Variants in HIGD1C observed in about 807,000 individuals in gnomAD.
HIGD1C encodes HIG1 hypoxia inducible domain family member 1C.
Under a neutral mutation model 13.1 loss-of-function variants are expected in HIGD1C, and 11 were observed. The ratio of observed to expected loss-of-function variants is 0.84; its 90% CI spans 0.53 to 1.39. The LOEUF (loss-of-function observed/expected upper bound fraction) is 1.39, where lower values mean the gene tolerates loss of function less well. HIGD1C is among the 40% of genes most tolerant of loss of function. HIGD1C has a pLI of 0.00. For missense variants in HIGD1C, 110 were observed against 112.0 expected, an observed-to-expected ratio of 0.98 and a Z score of 0.08; for synonymous variants, 36 against 37.7, an observed-to-expected ratio of 0.95 and a Z score of 0.17.
the HIGD1C span, among the ~76,000 whole-genome samples, chr12:50,937,681 A>G: frequency 1.3e-5 from 2 of 152,134 alleles, no homozygotes; most frequent in Non-Finnish European, 2.9e-5. Context: ...TGGAGGGTGA[A>G]GAAGGCAGAA....
intron 2 of HIGD1C, among the ~76,000 whole-genome samples, chr12:50,966,632 T>G (rs770012612): frequency 3.9e-5 from 6 of 152,182 alleles, no homozygotes; most frequent in Non-Finnish European, 7.3e-5. Flanking sequence ...GCATTTCAAT[T>G]TCATTTAGTG....
At chr12:50,941,112 C>G in the HIGD1C span, among the ~76,000 whole-genome samples, 1 of 152,254 alleles carries the variant, frequency 6.6e-6, no homozygotes, top group South Asian at 2.1e-4. Flanking sequence ...GCAATCCTCC[C>G]TCTTGGGCTT....
intron 1 of HIGD1C, among the ~76,000 whole-genome samples, chr12:50,957,682 C>T (rs7960373): frequency 2.0e-5 from 3 of 151,568 alleles, no homozygotes; most frequent in East Asian, 2.0e-4. Context: ...GTAAGGAGTT[C>T]GAGACCAGCC....
the HIGD1C span, among the ~76,000 whole-genome samples, chr12:50,944,183 T>C: frequency 6.6e-6 from 1 of 152,090 alleles, no homozygotes; most frequent in Admixed American, 6.6e-5. Flanking sequence ...GGATGAGGTC[T>C]CCTCCCAGGC....
chr12:50,950,573 G>A (rs1938869878), upstream of HIGD1C, among the ~76,000 whole-genome samples: 1 of 151,872 alleles, frequency 6.6e-6, no homozygotes, highest in Non-Finnish European at 1.5e-5. Flanking sequence ...CGCAATCTTG[G>A]CTCGTTGCAA....
the HIGD1C span, among the ~76,000 whole-genome samples, chr12:50,938,481 C>T: frequency 1.3e-5 from 2 of 152,280 alleles, no homozygotes; most frequent in South Asian, 4.1e-4. Context: ...CGTGGCTGGC[C>T]AGCTGCAGCT....
chr12:50,946,196 A>C, the HIGD1C span, among the ~76,000 whole-genome samples: 2 of 152,262 alleles, frequency 1.3e-5, no homozygotes, highest in East Asian at 3.9e-4. Context: ...TAAACCACCA[A>C]AAGCAATGGC....
upstream of HIGD1C, chr12:50,949,325 C>T (rs184998244): frequency 2.6e-5 from 4 of 153,162 alleles, no homozygotes; most frequent in Non-Finnish European, 4.4e-5. Context: ...TCTGCTTGAT[C>T]ACACTGAGCT....
At chr12:50,962,232 T>TACACACACAC (rs34526248) in intron 2 of HIGD1C, among the ~76,000 whole-genome samples, 14 of 146,198 alleles carry the variant, frequency 9.6e-5, no homozygotes, top group African/African-American at 3.5e-4. Flanking sequence ...CTAAAAAAAT[T>TACACACACAC]ACACACACAC....
At chr12:50,958,281 T>C (rs1393562177) in intron 1 of HIGD1C, among the ~76,000 whole-genome samples, 1 of 134,344 alleles carries the variant, frequency 7.4e-6, no homozygotes, top group Admixed American at 7.2e-5. Context: ...GCTAAAATAA[T>C]CTTTTTTTTT....
chr12:50,953,952 T>C, exon 1 of HIGD1C: 1 of 1,112,604 alleles, frequency 9.0e-7, no homozygotes, highest in Non-Finnish European at 1.4e-6. Flanking sequence ...TTATTTTTAA[T>C]GATTCACGGC....
At chr12:50,970,364 T>C in intron 2 of HIGD1C, 78 bp from the exon 5 acceptor site, 1 of 804,740 alleles carries the variant, frequency 1.2e-6, no homozygotes. Context: ...GCTAGTTTCA[T>C]AAAAATACAA....
At chr12:50,958,064 C>T (rs1187398992) in intron 1 of HIGD1C, among the ~76,000 whole-genome samples, 1 of 150,306 alleles carries the variant, frequency 6.7e-6, no homozygotes, top group Non-Finnish European at 1.5e-5. Context: ...CCTTGGCCTG[C>T]CAAAGTGCTG....
At chr12:50,958,838 G>A (rs188671589) in intron 1 of HIGD1C, among the ~76,000 whole-genome samples, 5 of 151,328 alleles carry the variant, frequency 3.3e-5, no homozygotes, top group Non-Finnish European at 4.4e-5. Context: ...CCAACATAGC[G>A]AGACATCATC....
At chr12:50,938,781 A>C in the HIGD1C span, among the ~76,000 whole-genome samples, 1 of 152,204 alleles carries the variant, frequency 6.6e-6, no homozygotes, top group Non-Finnish European at 1.5e-5. Context: ...CTGGAATGAC[A>C]AACCATTTGT....
chr12:50,936,259 A>G, the HIGD1C span, among the ~76,000 whole-genome samples: 6 of 151,794 alleles, frequency 4.0e-5, no homozygotes, highest in Non-Finnish European at 8.8e-5. Flanking sequence ...CCATTTCTTA[A>G]GTATCTTCTT....
At chr12:50,943,367 T>C in the HIGD1C span, among the ~76,000 whole-genome samples, 13 of 152,118 alleles carry the variant, frequency 8.5e-5, no homozygotes, top group African/African-American at 3.1e-4. Flanking sequence ...ATCTGAAGCT[T>C]ACTAGTTCTC....
At chr12:50,938,201 C>A in the HIGD1C span, among the ~76,000 whole-genome samples, 1 of 151,908 alleles carries the variant, frequency 6.6e-6, no homozygotes, top group Non-Finnish European at 1.5e-5. Flanking sequence ...CCCCTCCACC[C>A]CCCCACCCCC....
chr12:50,939,195 T>C, the HIGD1C span, among the ~76,000 whole-genome samples: 1 of 152,266 alleles, frequency 6.6e-6, no homozygotes, highest in South Asian at 2.1e-4. Context: ...TCACCCAGGG[T>C]AGAATGCAGT....
Sources: gnomAD v4.1 joint callset for allele counts (sites outside exome capture counted in the v4.1 genomes callset) on GRCh38, gnomAD v4.1.1 for gene constraint, MANE v1.5 for transcripts, NCBI Gene and HGNC (gene_info 2026-07-23, HGNC 2026-07-21) for gene names.